WDR7: variants seen among roughly 807,000 people sequenced by gnomAD.
The protein encoded by WDR7 is WD repeat-containing protein 7.
WDR7 carries 46 observed loss-of-function variants against 169.4 expected under a neutral mutation model. The observed-to-expected ratio is 0.27, with a 90% CI of 0.21 to 0.35. The LOEUF is 0.35. WDR7 is among the 10% of genes least tolerant of loss of function. WDR7 has a pLI of 1.00. For synonymous variants in WDR7, 612 were observed against 666.8 expected, an observed-to-expected ratio of 0.92 and a Z score of 1.27; for missense variants, 1,534 against 1,859.3, an observed-to-expected ratio of 0.83 and a Z score of 3.22.
intron 20 of WDR7, among the ~76,000 whole-genome samples, chr18:56,858,548 C>T (rs973313547): frequency 6.6e-6 from 1 of 152,008 alleles, no homozygotes; most frequent in African/African-American, 2.4e-5. Context: ...GAACTCTTGG[C>T]CTCAAGCGAT....
At chr18:56,817,573 A>G (rs1205626041) in intron 20 of WDR7, among the ~76,000 whole-genome samples, 4 of 152,142 alleles carry the variant, frequency 2.6e-5, no homozygotes, top group Non-Finnish European at 5.9e-5. Context: ...TGAGATGATG[A>G]TGGTGGCTAT....
At chr18:56,773,923 C>A (rs2044203090) in intron 16 of WDR7, among the ~76,000 whole-genome samples, 1 of 151,842 alleles carries the variant, frequency 6.6e-6, no homozygotes, top group Non-Finnish European at 1.5e-5. Context: ...CCCTCACCCA[C>A]CCTCCCCATA....
At chr18:56,684,176 G>A (rs1163833709) in intron 5 of WDR7, among the ~76,000 whole-genome samples, 1 of 152,112 alleles carries the variant, frequency 6.6e-6, no homozygotes, top group Non-Finnish European at 1.5e-5. Flanking sequence ...ATTATGATAG[G>A]TGTATATGTG....
At chr18:56,813,441 ATTC>A (rs1250131058) in intron 19 of WDR7, among the ~76,000 whole-genome samples, 1 of 150,942 alleles carries the variant, frequency 6.6e-6, no homozygotes, top group East Asian at 1.9e-4. Flanking sequence ...GTTCCTCTGT[ATTC>A]TTATTTTCTT....
At position 56,983,422 on chromosome 18, in the gene WDR7, A is replaced by G. The variant is rs999989204; in HGVS notation, c.4164+20893A>G. On this transcript the variant is annotated intron_variant, in intron 26 of 27. Transcript: ENST00000254442. ...GGTGACTAGATAATATAACTTTTCA[A>G]AAATGGAAACCTGCTTCTAACTATA... 6.6e-5 allele frequency among the ~76,000 whole-genome samples: 10 copies of G among 152,190 alleles called. No homozygotes were observed. The South Asian group carries it at 8.3e-4, about 13-fold the overall frequency.
At chr18:56,657,694 C>T (rs780511887) in intron 1 of WDR7, among the ~76,000 whole-genome samples, 1 of 152,162 alleles carries the variant, frequency 6.6e-6, no homozygotes, top group African/African-American at 2.4e-5. Flanking sequence ...GTTCGTTTGT[C>T]TTTGTCTGTA....
chr18:56,960,558 A>G (rs995261750), intron 25 of WDR7, among the ~76,000 whole-genome samples: 1 of 152,184 alleles, frequency 6.6e-6, no homozygotes, highest in Admixed American at 6.5e-5. Flanking sequence ...TATTCTATGT[A>G]CCATAATAAG....
At chr18:56,725,736 A>G (rs561870841) in intron 13 of WDR7, among the ~76,000 whole-genome samples, 1 of 152,300 alleles carries the variant, frequency 6.6e-6, no homozygotes, top group African/African-American at 2.4e-5. Flanking sequence ...GCCTATGCCT[A>G]TGTCCTGAAT....
At chr18:56,962,899 TA>T in intron 26 of WDR7, among the ~76,000 whole-genome samples, 1 of 152,296 alleles carries the variant, frequency 6.6e-6, no homozygotes, top group South Asian at 2.1e-4. Context: ...TAATTTTCTC[TA>T]AGCAAAATGA....
At chr18:56,815,357 A>T (rs2044947104) in intron 19 of WDR7, among the ~76,000 whole-genome samples, 1 of 152,222 alleles carries the variant, frequency 6.6e-6, no homozygotes, top group African/African-American at 2.4e-5. Context: ...GACAACAAAT[A>T]TGTATCATCA....
chr18:56,827,739 T>G (rs934655145), intron 20 of WDR7, among the ~76,000 whole-genome samples: 1 of 152,168 alleles, frequency 6.6e-6, no homozygotes, highest in Non-Finnish European at 1.5e-5. Flanking sequence ...GGATAAATGC[T>G]TGAGAAGATG....
chr18:56,871,341 T>C (rs2045950390), intron 20 of WDR7, among the ~76,000 whole-genome samples: 1 of 152,168 alleles, frequency 6.6e-6, no homozygotes, highest in Non-Finnish European at 1.5e-5. Flanking sequence ...GAAAGTATTT[T>C]CTAGCTTAAT....
chr18:56,887,464 G>A lies in WDR7; in HGVS notation c.3526+7299G>A, dbSNP rs74994225. Reference sequence around the variant, plus strand: ...ATGCTTCTTAGTAAATTCTATTTATGAGCGATTTTGGGAAGTTTCTAGCAG... The same window carrying A: ...ATGCTTCTTAGTAAATTCTATTTATAAGCGATTTTGGGAAGTTTCTAGCAG... On this transcript the variant is annotated intron_variant, in intron 21 of 27. Coordinates refer to ENST00000254442, the MANE Select transcript of WDR7 (RefSeq NM_015285.3). Among the ~76,000 whole-genome samples the A allele has an allele frequency of 5.6e-3, 857 of 152,280 alleles. 11 individuals are homozygous for A. The highest frequency in any genetic ancestry group is 0.02 in the African/African-American group (814 of 41,568).
Position 56,695,095 on chromosome 18 carries a change from T to G in WDR7, c.1254T>G (p.His418Gln), listed in dbSNP as rs772443620. 9 of 1,614,064 alleles carry G rather than the reference T, an allele frequency of 5.6e-6. No individual in the cohort carries two copies. The highest frequency in any genetic ancestry group is 2.7e-5 in the African/African-American group (2 of 74,930). ...CTGCAAGTGTGTACATACCAGCACA[T>G]GGACGACTTGTTTGTGGTCGTGAAG... The part of the protein sequence containing the change: ...KVTASVYIPA[H>Q]GRLVCGREDG... Residue 418 changes from histidine (H) to glutamine (Q), a missense_variant, in exon 11 of 28, where the codon CAT (histidine) becomes CAG (glutamine). His to Gln is a conservative substitution (Grantham distance 24). Transcript: ENST00000254442.
intron 14 of WDR7, among the ~76,000 whole-genome samples, chr18:56,741,423 C>A (rs985692668): frequency 6.6e-6 from 1 of 152,164 alleles, no homozygotes; most frequent in African/African-American, 2.4e-5. Context: ...ATGATCTTTC[C>A]CCCAGATAAT....
intron 16 of WDR7, among the ~76,000 whole-genome samples, chr18:56,760,253 C>G (rs533207816): frequency 1.3e-5 from 2 of 152,236 alleles, no homozygotes; most frequent in African/African-American, 4.8e-5. Flanking sequence ...AGAGTATTGC[C>G]AGCACTTCAG....
intron 5 of WDR7, among the ~76,000 whole-genome samples, chr18:56,684,732 T>C (rs920974757): frequency 6.6e-6 from 1 of 152,052 alleles, no homozygotes; most frequent in Non-Finnish European, 1.5e-5. Flanking sequence ...TGTTAATAGG[T>C]ATTTGTCAAA....
chr18:56,655,375 A>G (rs2024744397), intron 1 of WDR7, among the ~76,000 whole-genome samples: 1 of 152,190 alleles, frequency 6.6e-6, no homozygotes, highest in Non-Finnish European at 1.5e-5. Context: ...CCGTAGTCCC[A>G]GCACTTTGGG....
intron 22 of WDR7, among the ~76,000 whole-genome samples, chr18:56,926,661 C>A (rs1054200400): frequency 6.6e-6 from 1 of 152,182 alleles, no homozygotes; most frequent in African/African-American, 2.4e-5. Context: ...CTATTACATC[C>A]TTTTCTGTCA....
Sources: allele counts gnomAD v4.1 joint callset (sites outside exome capture counted in the v4.1 genomes callset), GRCh38; gene constraint gnomAD v4.1.1; transcripts MANE v1.5; gene names NCBI Gene and HGNC (gene_info 2026-07-23, HGNC 2026-07-21).